Variants in TMEM45A observed in about 807,000 individuals in gnomAD.
TMEM45A encodes DNA polymerase-transactivated protein 4.
Under a neutral mutation model 32.0 loss-of-function variants are expected in TMEM45A, and 25 were observed. That is an observed-to-expected ratio of 0.78 (90% CI 0.57 to 1.09). The LOEUF (loss-of-function observed/expected upper bound fraction) is 1.09. Among genes scored for constraint, TMEM45A ranks in the 50% least tolerant of loss-of-function variants. The pLI, the probability that TMEM45A is intolerant of heterozygous loss-of-function variation, is 0.00. For missense variants in TMEM45A, 302 were observed against 325.0 expected (o/e 0.93, Z 0.54); for synonymous variants, 122 against 114.8 (o/e 1.06, Z -0.40).
intron 1 of TMEM45A, among the ~76,000 whole-genome samples, chr3:100,513,932 C>A (rs1708213843): frequency 6.6e-6 from 1 of 151,982 alleles, no homozygotes; most frequent in East Asian, 1.9e-4. Context: ...ATGTGAAGGA[C>A]CTCTTCAAGG....
Position 100,568,862 on chromosome 3 carries a change from G to A in TMEM45A, c.629G>A (p.Trp210Ter). Residue 210 changes from tryptophan (W) to a stop codon, truncating the protein, a stop_gained, in exon 5 of 6, where the codon TGG becomes TAG. Coordinates refer to ENST00000323523, the MANE Select transcript of TMEM45A (RefSeq NM_018004.3). LOFTEE classifies it high-confidence loss of function. ...TATCCCCCCAGTGGAGGTCCTGCAT[G>A]GGATCTGATGGATCATGAAAATATT... ...VLYPPSGGPA[W>*]DLMDHENILF... The A allele has an allele frequency of 1.9e-6, 3 of 1,613,560 alleles. No homozygotes were observed. The highest frequency in any genetic ancestry group is 2.5e-6 in the Non-Finnish European group (3 of 1,179,644).
chr3:100,556,680 A>G, intron 2 of TMEM45A, 80 bp from the exon 3 acceptor site: 1 of 1,289,478 alleles, frequency 7.8e-7, no homozygotes, highest in Non-Finnish European at 1.1e-6. Flanking sequence ...GATTGGAATA[A>G]GCAATGGACT....
intron 1 of TMEM45A, among the ~76,000 whole-genome samples, chr3:100,535,890 A>G (rs1364611460): frequency 1.3e-5 from 2 of 152,166 alleles, no homozygotes; most frequent in African/African-American, 4.8e-5. Context: ...ACTTAGTTGG[A>G]TAAAATAGTT....
chr3:100,537,331 G>A (rs902116622), intron 1 of TMEM45A, among the ~76,000 whole-genome samples: 2 of 152,170 alleles, frequency 1.3e-5, no homozygotes, highest in African/African-American at 4.8e-5. Flanking sequence ...GGGGAGAACC[G>A]GATGCTGGTA....
chr3:100,541,203 T>C (rs886361388), intron 1 of TMEM45A, among the ~76,000 whole-genome samples: 3 of 152,182 alleles, frequency 2.0e-5, no homozygotes, highest in Non-Finnish European at 4.4e-5. Context: ...ATTGTTTAAG[T>C]TCCTTGTAGA....
At chr3:100,499,348 C>T (rs1707979286) in intron 1 of TMEM45A, among the ~76,000 whole-genome samples, 2 of 151,940 alleles carry the variant, frequency 1.3e-5, no homozygotes, top group Non-Finnish European at 2.9e-5. Flanking sequence ...AGTCTTTGTT[C>T]CATTTTGAGT....
chr3:100,558,364 T>C (rs770745860), intron 3 of TMEM45A, 41 bp from the exon 4 acceptor site: 1 of 1,609,282 alleles, frequency 6.2e-7, no homozygotes, highest in African/African-American at 1.3e-5. Context: ...TGGGTGGTCC[T>C]TGGTTCCACT....
chr3:100,556,725 C>T, intron 2 of TMEM45A, 35 bp from the exon 3 acceptor site: 1 of 1,568,628 alleles, frequency 6.4e-7, no homozygotes, highest in Admixed American at 1.8e-5. Flanking sequence ...CTATGTAAAG[C>T]AGAGTTGCTA....
At chr3:100,544,705 T>C (rs1057065406) in intron 1 of TMEM45A, among the ~76,000 whole-genome samples, 1 of 152,232 alleles carries the variant, frequency 6.6e-6, no homozygotes, top group Non-Finnish European at 1.5e-5. Context: ...TTGTCCCTTT[T>C]TATTGTGGAG....
chr3:100,513,497 T>A (rs1422399659), intron 1 of TMEM45A, among the ~76,000 whole-genome samples: 2 of 150,720 alleles, frequency 1.3e-5, no homozygotes, highest in Non-Finnish European at 2.9e-5. Flanking sequence ...GAGCTATCTA[T>A]GACAAACCCA....
At chr3:100,569,056 G>T in intron 5 of TMEM45A, 89 bp downstream of exon 5, 1 of 1,371,800 alleles carries the variant, frequency 7.3e-7, no homozygotes, top group South Asian at 1.4e-5. Context: ...ATTCAAAAGG[G>T]TATTTCATTC....
At chr3:100,524,551 C>T (rs574321109) in intron 1 of TMEM45A, among the ~76,000 whole-genome samples, 1 of 152,248 alleles carries the variant, frequency 6.6e-6, no homozygotes, top group Non-Finnish European at 1.5e-5. Flanking sequence ...TAGCCACGAG[C>T]CACATGTGGC....
Position 100,577,254 on chromosome 3 carries a change from G to C in TMEM45A, c.*236G>C, listed in dbSNP as rs74776680. ...TGCACATCATGGTATTCAGGGGCTA[G>C]AGTGATTTTTTTCCAGATTATCTAA... On this transcript the variant is annotated 3_prime_UTR_variant, in exon 6 of 6. Transcript: ENST00000323523. 5.5e-3 allele frequency: 2,018 copies of C among 364,148 alleles called. 27 individuals are homozygous for C. Among genetic ancestry groups the C allele is most frequent in the African/African-American group, 0.039 (1,819 of 46,548 alleles). 22.6% of individuals were successfully genotyped at this position (364,148 alleles called of 1,614,324 possible). A position where few individuals can be genotyped will look rare whatever the true frequency, so the allele number is the denominator to read the frequency against.
chr3:100,512,288 T>C (rs975487214), intron 1 of TMEM45A, among the ~76,000 whole-genome samples: 51 of 152,298 alleles, frequency 3.3e-4, no homozygotes, highest in Admixed American at 5.9e-4. Flanking sequence ...CAGACCACAG[T>C]GCAATCAAAC....
In TMEM45A at chr3:100,569,139, TA is replaced by T. The variant is rs566269062; in HGVS notation, c.734+175del. On this transcript the variant is annotated intron_variant, in intron 5 of 5. Coordinates refer to ENST00000323523, the MANE Select transcript of TMEM45A (RefSeq NM_018004.3). ...ACACAAAAATTCCCAGTAAAAAGAA[TA>T]AATGCTGGTTTAAAGTTAGTCACTC... Among the ~76,000 whole-genome samples, 679 of 152,288 alleles carry T rather than the reference TA, an allele frequency of 4.5e-3. 6 individuals carry two copies. Among genetic ancestry groups the T allele is most frequent in the African/African-American group, 0.016 (656 of 41,564 alleles).
At chr3:100,566,893 C>T (rs987995575) in intron 4 of TMEM45A, among the ~76,000 whole-genome samples, 1 of 151,934 alleles carries the variant, frequency 6.6e-6, no homozygotes, top group Non-Finnish European at 1.5e-5. Flanking sequence ...ATAATCTCAT[C>T]GGATATATGA....
At chr3:100,527,163 C>T (rs1384649880) in intron 1 of TMEM45A, among the ~76,000 whole-genome samples, 4 of 152,116 alleles carry the variant, frequency 2.6e-5, no homozygotes, top group South Asian at 2.1e-4. Flanking sequence ...AGGACTATGA[C>T]ACCTGGTCCA....
chr3:100,556,015 C>T (rs1057129391), intron 2 of TMEM45A, among the ~76,000 whole-genome samples: 2 of 152,086 alleles, frequency 1.3e-5, no homozygotes, highest in African/African-American at 2.4e-5. Flanking sequence ...GATGGAGTCT[C>T]GGTCTATTGG....
chr3:100,514,456 A>C (rs1708225810), intron 1 of TMEM45A, among the ~76,000 whole-genome samples: 1 of 152,010 alleles, frequency 6.6e-6, no homozygotes, highest in Admixed American at 6.6e-5. Flanking sequence ...CCTTCCTTAC[A>C]CCTTATACAA....
Sources: gnomAD v4.1 joint callset for allele counts (sites outside exome capture counted in the v4.1 genomes callset) on GRCh38, gnomAD v4.1.1 for gene constraint, MANE v1.5 for transcripts, NCBI Gene and HGNC (gene_info 2026-07-23, HGNC 2026-07-21) for gene names.